The following ACTL6B variants were observed in gnomAD, a reference collection of about 807,000 sequenced individuals.
ACTL6B encodes actin like 6B.
In ACTL6B, 48 loss-of-function variants were observed where a neutral mutation model predicts 63.3. The observed-to-expected ratio is 0.76, with a 90% confidence interval of 0.60 to 0.96. ACTL6B has a LOEUF of 0.96. Ranked by LOEUF, ACTL6B falls within the 50% of genes least tolerant of loss-of-function variation. The pLI, the probability that ACTL6B is intolerant of heterozygous loss-of-function variation, is 0.00. For synonymous variants in ACTL6B, 230 were observed against 223.8 expected, an observed-to-expected ratio of 1.03 and a Z score of -0.25; for missense variants, 350 against 572.2, an observed-to-expected ratio of 0.61 and a Z score of 3.96.
chr7:100,650,070 G>A lies in ACTL6B; in HGVS notation c.435C>T (p.Ala145=), dbSNP rs1298779261. ...GCACAGCCGTCTTGCATAAGAAGAA[G>A]GCAGGAATGTTGTACTGCTCGAACA... ...ELMFEQYNIP[A]FFLCKTAVLT... The change falls in exon 5 of 14, where the codon GCC becomes GCT. Residue 145 remains alanine, a synonymous_variant. Coordinates refer to ENST00000160382, the MANE Select transcript of ACTL6B (RefSeq NM_016188.5). 2 of 1,613,966 alleles carry A rather than the reference G, an allele frequency of 1.2e-6. No individual in the cohort carries two copies.
chr7:100,653,211 C>T (rs930837794), intron 4 of ACTL6B, among the ~76,000 whole-genome samples: 3 of 151,800 alleles, frequency 2.0e-5, no homozygotes, highest in Non-Finnish European at 4.4e-5. Context: ...ACTTTGTTAG[C>T]TGAAGTAGAA....
chr7:100,643,800 C>G (rs950114363), intron 13 of ACTL6B, among the ~76,000 whole-genome samples: 3 of 152,234 alleles, frequency 2.0e-5, no homozygotes, highest in Admixed American at 6.5e-5. Flanking sequence ...CCATCTGCAG[C>G]CTTCGGCATT....
At chr7:100,645,694 C>T (rs934653210) in intron 13 of ACTL6B, among the ~76,000 whole-genome samples, 2 of 151,524 alleles carry the variant, frequency 1.3e-5, no homozygotes, top group East Asian at 1.9e-4. Context: ...TGCAGTGGCA[C>T]GATCTCAGCT....
Position 100,655,626 on chromosome 7 carries a change from G to A in ACTL6B, c.103-40C>T, listed in dbSNP as rs758260173. ...TTGGGGGAGTATTGGCAGGGAGAGA[G>A]GTCACCCTCTTGCCCCTGTCCAGCC... On this transcript the variant is annotated intron_variant, in intron 2 of 13. Transcript: ENST00000160382. This position sits in a 1 kb window ranked among gnomAD's most constrained non-coding sequence, Gnocchi z 4.4. The A allele has an allele frequency of 6.3e-7, 1 of 1,591,142 alleles. No homozygotes were observed. The highest frequency in any genetic ancestry group is 1.2e-5 in the South Asian group (1 of 86,690).
intron 13 of ACTL6B, among the ~76,000 whole-genome samples, chr7:100,644,231 A>C (rs1803778260): frequency 6.6e-6 from 1 of 152,020 alleles, no homozygotes; most frequent in African/African-American, 2.4e-5. Flanking sequence ...ATGGTGTCTC[A>C]CTATGTTGCC....
intron 13 of ACTL6B, among the ~76,000 whole-genome samples, chr7:100,645,668 G>T (rs374697976): frequency 6.7e-6 from 1 of 149,326 alleles, no homozygotes; most frequent in Non-Finnish European, 1.5e-5. Context: ...GTCTTACTGC[G>T]TCACCCAGGC....
In ACTL6B at chr7:100,655,440, C is replaced by T. The variant is rs759186944; in HGVS notation, c.249G>A (p.Ser83=). Residue 83 remains serine, a synonymous_variant, in exon 3 of 14, where the codon TCG becomes TCA. Transcript: ENST00000160382. This position sits in a 1 kb window ranked among gnomAD's most constrained non-coding sequence, Gnocchi z 4.4. ...HVPRDGAEVM[S]PLKNGMIEDW... ...CCTTACTCATGCCATTCTTGAGGGG[C>T]GACATGACCTCCGCTCCATCCCGAG... 11 of 1,613,916 alleles carry T rather than the reference C, an allele frequency of 6.8e-6. No individual in the cohort carries two copies. In the East Asian group the frequency reaches 2.5e-4, roughly 36 times the overall value.
At chr7:100,650,274 C>G in intron 4 of ACTL6B, 139 bp from the exon 5 acceptor site, 2 of 679,082 alleles carry the variant, frequency 2.9e-6, no homozygotes, top group South Asian at 1.7e-5. Context: ...CATACACAAC[C>G]TAAACACTCA....
At chr7:100,644,788 G>A (rs7383856) in intron 13 of ACTL6B, among the ~76,000 whole-genome samples, 8,391 of 151,522 alleles carry the variant, frequency 0.055, 1,249 homozygotes, top group East Asian at 0.51. Context: ...GGGCATGGTG[G>A]CTCACACCTG....
In ACTL6B at chr7:100,646,081, G is replaced by A. The variant is rs1003747286; in HGVS notation, c.1200+168C>T. Among the ~76,000 whole-genome samples the A allele has an allele frequency of 6.6e-6, 1 of 152,200 alleles. No individual in the cohort carries two copies. Among genetic ancestry groups the A allele is most frequent in the Non-Finnish European group, 1.5e-5 (1 of 68,036 alleles). Reference sequence around the variant, plus strand: ...CCACCATACCGGGCCCCTGCCCCCCGATTTGTGTCCTGTTCACCCTTCTGG... The same window carrying A: ...CCACCATACCGGGCCCCTGCCCCCCAATTTGTGTCCTGTTCACCCTTCTGG... On this transcript the variant is annotated intron_variant, in intron 13 of 13. Transcript: ENST00000160382. The surrounding 1 kb of genome is among the most constrained non-coding windows in gnomAD (Gnocchi z 6.1).
Position 100,655,410 on chromosome 7 carries a change from G to T in ACTL6B, c.268+11C>A, listed in dbSNP as rs1279433695. ...TTTTCTGTCAGGAGGTGATGGGTGGGGGCCCCTTACTCATGCCATTCTTGA... is the reference window on the plus strand; with the variant it reads ...TTTTCTGTCAGGAGGTGATGGGTGGTGGCCCCTTACTCATGCCATTCTTGA... On this transcript the variant is annotated intron_variant, in intron 3 of 13. Transcript: ENST00000160382. The surrounding 1 kb of genome is among the most constrained non-coding windows in gnomAD (Gnocchi z 4.4). The T allele has an allele frequency of 6.2e-7, 1 of 1,612,740 alleles. No homozygotes were observed. The highest frequency in any genetic ancestry group is 2.2e-5 in the East Asian group (1 of 44,882).
chr7:100,647,133 A>T lies in ACTL6B; in HGVS notation c.822-48T>A. 3 of 1,611,050 alleles carry T rather than the reference A, an allele frequency of 1.9e-6. No homozygotes were observed. The highest frequency in any genetic ancestry group is 1.1e-5 in the South Asian group (1 of 91,006). ...CTGCCTGGGGTGCTCAAGAAGGATC[A>T]GTGCGTGGGCAGCACCAGAGCCCCC... On this transcript the variant is annotated intron_variant, in intron 9 of 13. Transcript: ENST00000160382. The surrounding 1 kb of genome is among the most constrained non-coding windows in gnomAD (Gnocchi z 4.4).
chr7:100,650,361 C>G, intron 4 of ACTL6B, among the ~76,000 whole-genome samples: 1 of 151,896 alleles, frequency 6.6e-6, no homozygotes, highest in South Asian at 2.1e-4. Flanking sequence ...CACACATACA[C>G]TCACATTCAC....
rs769139619 is a variant in ACTL6B at position 100,655,378 on chromosome 7, G to C, written c.268+43C>G. ...TGCTATGACCCAGATTGTGGGGAGCGGGCTCCTTTTCTGTCAGGAGGTGAT... is the reference window on the plus strand; with the variant it reads ...TGCTATGACCCAGATTGTGGGGAGCCGGCTCCTTTTCTGTCAGGAGGTGAT... On this transcript the variant is annotated intron_variant, in intron 3 of 13. Transcript: ENST00000160382. This position sits in a 1 kb window ranked among gnomAD's most constrained non-coding sequence, Gnocchi z 4.4. 3 of 1,592,790 alleles carry C rather than the reference G, an allele frequency of 1.9e-6. No homozygotes were observed. The highest frequency in any genetic ancestry group is 2.6e-6 in the Non-Finnish European group (3 of 1,168,324).
At chr7:100,649,792 G>C (rs965956682) in intron 5 of ACTL6B, among the ~76,000 whole-genome samples, 2 of 152,144 alleles carry the variant, frequency 1.3e-5, no homozygotes, top group African/African-American at 2.4e-5. Context: ...TCTCTCCCGG[G>C]CCCAGCTCAC....
Position 100,643,290 on chromosome 7 carries a change from A to G in ACTL6B, c.1237T>C (p.Tyr413His). 6.2e-7 allele frequency: 1 copy of G among 1,613,872 alleles called. No homozygotes were observed. Among genetic ancestry groups the G allele is most frequent in the Non-Finnish European group, 8.5e-7 (1 of 1,179,976 alleles). The stretch of plus-strand genomic sequence containing the variant: ...ACGCACTGCTTCCCGCCCTCCTCAT[A>G]TTCCTGCTTGGAGATCCACATCTGC... ...FQQMWISKQE[Y>H]EEGGKQCVER... The change falls in exon 14 of 14, where the codon TAT (tyrosine) becomes CAT (histidine). Residue 413 changes from tyrosine (Y) to histidine (H), a missense_variant. Around this residue, in one of 3 missense-constraint regions of ACTL6B, gnomAD observed 76 missense variants for 126.1 expected, o/e 0.60. Transcript: ENST00000160382.
Position 100,655,838 on chromosome 7 carries a change from C to A in ACTL6B, c.67G>T (p.Val23Phe). The stretch of plus-strand genomic sequence containing the variant: ...TCCTCCCCAGCGTACCCAGCGCGGA[C>A]TGAGAAGGAGCCAATGTCAAAGACC... Reference protein sequence around the residue: ...ALVFDIGSFSVRAGYAGEDCP... With the variant: ...ALVFDIGSFSFRAGYAGEDCP... Residue 23 changes from valine to phenylalanine, a missense_variant, in exon 2 of 14, where the codon GTC (valine) becomes TTC (phenylalanine). By Grantham distance (50) the Val-to-Phe change is conservative. Around this residue, in one of 3 missense-constraint regions of ACTL6B, gnomAD observed 250 missense variants for 364.7 expected, o/e 0.69. Transcript: ENST00000160382. The surrounding 1 kb of genome is among the most constrained non-coding windows in gnomAD (Gnocchi z 4.4). 6.3e-7 allele frequency: 1 copy of A among 1,576,620 alleles called. No individual in the cohort carries two copies. Among genetic ancestry groups the A allele is most frequent in the Non-Finnish European group, 8.6e-7 (1 of 1,160,720 alleles).
rs1386138472 is a variant in ACTL6B at position 100,655,391 on chromosome 7, G to T, written c.268+30C>A. 11 of 1,607,222 alleles carry T rather than the reference G, an allele frequency of 6.8e-6. No individual in the cohort carries two copies. Among genetic ancestry groups the T allele is most frequent in the Non-Finnish European group, 7.6e-6 (9 of 1,176,472 alleles). On this transcript the variant is annotated intron_variant, in intron 3 of 13. Coordinates refer to ENST00000160382, the MANE Select transcript of ACTL6B (RefSeq NM_016188.5). The surrounding 1 kb of genome is among the most constrained non-coding windows in gnomAD (Gnocchi z 4.4). ...ATTGTGGGGAGCGGGCTCCTTTTCT[G>T]TCAGGAGGTGATGGGTGGGGGCCCC...
In ACTL6B at chr7:100,648,592, G is replaced by T. The variant is rs368302187; in HGVS notation, c.633C>A (p.Ala211=). Residue 211 remains alanine (A), a synonymous_variant, in exon 7 of 14, where the codon GCC becomes GCA. Coordinates refer to ENST00000160382, the MANE Select transcript of ACTL6B (RefSeq NM_016188.5). The surrounding 1 kb of genome is among the most constrained non-coding windows in gnomAD (Gnocchi z 4.4). ...TCATGTAAGGTGGGATGATGTCAAT[G>T]GCCATCTCCTGGAACAGCTCCCGGC... ...MQCRELFQEM[A]IDIIPPYMIA... 3.1e-6 allele frequency: 5 copies of T among 1,612,334 alleles called. No homozygotes were observed. In the African/African-American group the frequency reaches 6.7e-5, roughly 22 times the overall value.
Sources: allele counts gnomAD v4.1 joint callset (sites outside exome capture counted in the v4.1 genomes callset), GRCh38; gene constraint gnomAD v4.1.1; regional missense constraint gnomAD v4.1.1; non-coding constraint Gnocchi (gnomAD v3.1); transcripts MANE v1.5; gene names NCBI Gene and HGNC (gene_info 2026-07-23, HGNC 2026-07-21).